The following KYAT3 variants were observed in gnomAD, a reference collection of about 807,000 sequenced individuals.
KYAT3 encodes kynurenine--oxoglutarate transaminase 3.
Under a neutral mutation model 59.0 loss-of-function variants are expected in KYAT3, and 50 were observed. That is an observed-to-expected ratio of 0.85 (90% confidence interval 0.68 to 1.07). KYAT3 has a LOEUF of 1.07. KYAT3 is among the 50% of genes least tolerant of loss of function. The probability of loss-of-function intolerance (pLI) is 0.00; values close to 1 mark genes in which losing one functional copy is unlikely to be tolerated. For missense variants in KYAT3, 497 were observed against 533.3 expected (o/e 0.93, Z 0.67); for synonymous variants, 148 against 177.0 (o/e 0.84, Z 1.30).
Position 88,969,476 on chromosome 1 carries a change from T to C in KYAT3, c.100-9A>G, listed in dbSNP as rs1490803360. The C allele has an allele frequency of 1.3e-6, 2 of 1,527,264 alleles. No individual in the cohort carries two copies. Among genetic ancestry groups the C allele is most frequent in the East Asian group, 2.3e-5 (1 of 44,408 alleles). 94.6% of individuals were successfully genotyped at this position (1,527,264 alleles called of 1,614,324 possible). A position where few individuals can be genotyped will look rare whatever the true frequency, so the allele number is the denominator to read the frequency against. On this transcript the variant is annotated splice_polypyrimidine_tract_variant and intron_variant, in intron 2 of 13. Transcript: ENST00000260508. ...AATTTCAGTGACATTTTCTGAAATA[T>C]ATAAATATTGAAAAGGAATTGCCTT...
Position 88,943,010 on chromosome 1 carries a change from T to G in KYAT3, c.1297A>C (p.Ile433Leu), listed in dbSNP as rs749545379. 6.2e-6 allele frequency: 10 copies of G among 1,610,040 alleles called. No homozygotes were observed. The Admixed American group carries it at 1.3e-4, about 21-fold the overall frequency. Residue 433 changes from isoleucine (I) to leucine (L), a missense_variant, in exon 13 of 14, where the codon ATT (isoleucine) becomes CTT (leucine). Coordinates refer to ENST00000260508, the MANE Select transcript of KYAT3 (RefSeq NM_001008661.3). ...QFEKFVRFCFIKKDSTLDAAE... is the reference protein window; with the variant it reads ...QFEKFVRFCFLKKDSTLDAAE... ...CAATAGAGCAGGGAACTTACTTTAA[T>G]GAAGCAAAAACGCACAAACTTCTCA...
At chr1:88,949,517 T>C (rs535509085) in intron 10 of KYAT3, among the ~76,000 whole-genome samples, 15 of 152,176 alleles carry the variant, frequency 9.9e-5, no homozygotes, top group Admixed American at 5.2e-4. Flanking sequence ...AAAATTCAAA[T>C]TGAAAAAGAG....
In KYAT3 at chr1:88,988,323, A is replaced by G. The variant is rs1344829287; in HGVS notation, c.28T>C (p.Ser10Pro). 1.2e-6 allele frequency: 2 copies of G among 1,613,088 alleles called. No homozygotes were observed. Among genetic ancestry groups the G allele is most frequent in the African/African-American group, 2.7e-5 (2 of 74,906 alleles). Residue 10 changes from serine (S) to proline (P), a missense_variant, in exon 2 of 14, where the codon TCT becomes CCT. Physicochemically the swap from Ser to Pro is moderately conservative, Grantham distance 74. This residue lies in a region of KYAT3 where 469 missense variants were observed against 479.1 expected (regional missense o/e 0.98). Coordinates refer to ENST00000260508, the MANE Select transcript of KYAT3 (RefSeq NM_001008661.3). ...AGGAATTTTGCTCTACCGCTAAGAG[A>G]GCAGAGGCTCCTCTGGGCCAAAAAC... MFLAQRSLC[S>P]LSGRAKFLKT...
chr1:88,953,164 A>G lies in KYAT3; in HGVS notation c.865-12T>C. 6.4e-7 allele frequency: 1 copy of G among 1,562,174 alleles called. No homozygotes were observed. Among genetic ancestry groups the G allele is most frequent in the Non-Finnish European group, 8.8e-7 (1 of 1,134,302 alleles). On this transcript the variant is annotated splice_polypyrimidine_tract_variant and intron_variant, in intron 9 of 13. Coordinates refer to ENST00000260508, the MANE Select transcript of KYAT3 (RefSeq NM_001008661.3). ...ATGGACCAGCCAAGCTGGGAAAGGA[A>G]AAGATAAAAGATTTCAGAAAATCTA...
At chr1:88,939,603 C>T (rs1485552926) in intron 13 of KYAT3, among the ~76,000 whole-genome samples, 2 of 152,122 alleles carry the variant, frequency 1.3e-5, no homozygotes, top group South Asian at 2.1e-4. Context: ...ATTTGTTCTG[C>T]TCTTATTTTT....
chr1:88,975,120 C>T (rs1332723554), intron 2 of KYAT3, among the ~76,000 whole-genome samples: 2 of 150,668 alleles, frequency 1.3e-5, no homozygotes, highest in South Asian at 4.2e-4. Flanking sequence ...TTGAAGTCAG[C>T]GAGACCACGA....
chr1:88,951,087 A>C (rs886897561), intron 10 of KYAT3, among the ~76,000 whole-genome samples: 2 of 152,134 alleles, frequency 1.3e-5, no homozygotes, highest in Admixed American at 1.3e-4. Flanking sequence ...AATCCCCTTC[A>C]GTTAGTTGTT....
At chr1:88,964,294 C>G (rs1676257186) in intron 5 of KYAT3, among the ~76,000 whole-genome samples, 1 of 152,104 alleles carries the variant, frequency 6.6e-6, no homozygotes, top group South Asian at 2.1e-4. Flanking sequence ...ACTTGTAGAC[C>G]AAGTTAAGAG....
At chr1:88,991,423 G>A (rs1400799546) in intron 1 of KYAT3, among the ~76,000 whole-genome samples, 1 of 152,198 alleles carries the variant, frequency 6.6e-6, no homozygotes, top group Non-Finnish European at 1.5e-5. Flanking sequence ...CTAATAATGC[G>A]CCGCCCACAC....
intron 2 of KYAT3, chr1:88,979,344 G>T (rs115084482): frequency 6.6e-6 from 1 of 152,098 alleles, no homozygotes; most frequent in Non-Finnish European, 1.5e-5. Flanking sequence ...TATTATTAAG[G>T]CTTGACTTAA....
intron 2 of KYAT3, among the ~76,000 whole-genome samples, chr1:88,986,477 A>G (rs1027645291): frequency 7.3e-5 from 11 of 151,412 alleles, no homozygotes; most frequent in African/African-American, 2.4e-4. Context: ...TGTTTAATAG[A>G]GATGAGGTTT....
At chr1:88,927,003 C>A in the KYAT3 span, among the ~76,000 whole-genome samples, 2 of 152,138 alleles carry the variant, frequency 1.3e-5, no homozygotes, top group African/African-American at 4.8e-5. Context: ...GCAGCCCGGA[C>A]CCATTTCTTT....
downstream of KYAT3, among the ~76,000 whole-genome samples, chr1:88,934,491 C>A (rs1170811762): frequency 1.3e-5 from 2 of 152,034 alleles, no homozygotes; most frequent in Admixed American, 1.3e-4. Context: ...GTAGGAATTG[C>A]TGCTGTGGTA....
In KYAT3 at chr1:88,964,857, A is replaced by C. The variant is rs113065937; in HGVS notation, c.425T>G (p.Ile142Ser). 1.4e-5 allele frequency: 22 copies of C among 1,599,616 alleles called. No individual in the cohort carries two copies. Among genetic ancestry groups the C allele is most frequent in the Non-Finnish European group, 1.7e-5 (20 of 1,175,600 alleles). ...VGAYGSLFNT[I>S]QALIDEGDEV... Reference sequence around the variant, plus strand: ...ATCTCCCTCATCAATTAATGCTTGAATGGTGTTAAAAAGAGATCCATATGC... The same window carrying C: ...ATCTCCCTCATCAATTAATGCTTGACTGGTGTTAAAAAGAGATCCATATGC... Residue 142 changes from isoleucine (I) to serine (S), a missense_variant, in exon 5 of 14, where the codon ATT becomes AGT. Around this residue, in one of 2 missense-constraint regions of KYAT3, gnomAD observed 469 missense variants for 479.1 expected, o/e 0.98. Transcript: ENST00000260508.
the KYAT3 span, among the ~76,000 whole-genome samples, chr1:88,924,891 A>C: frequency 0.036 from 5,427 of 152,168 alleles, 268 homozygotes; most frequent in African/African-American, 0.11. Flanking sequence ...AGCTATAACA[A>C]TCACCGCATG....
the KYAT3 span, among the ~76,000 whole-genome samples, chr1:88,930,571 T>C: frequency 6.6e-6 from 1 of 152,164 alleles, no homozygotes; most frequent in Non-Finnish European, 1.5e-5. Flanking sequence ...TCAGTGGTAA[T>C]GGAATACTTG....
At chr1:88,982,964 T>C in intron 2 of KYAT3, 2 of 1,613,816 alleles carry the variant, frequency 1.2e-6, no homozygotes, top group Non-Finnish European at 1.7e-6. Context: ...TGAGTTACCA[T>C]AACTCTCATA....
At chr1:88,935,224 A>C (rs1674991832), downstream of KYAT3, among the ~76,000 whole-genome samples, 1 of 151,476 alleles carries the variant, frequency 6.6e-6, no homozygotes, top group Non-Finnish European at 1.5e-5. Context: ...CCTGGTCTCA[A>C]ACTCCTGAAT....
Position 88,961,161 on chromosome 1 carries a change from T to G in KYAT3, c.787+6A>C. The G allele has an allele frequency of 6.2e-7, 1 of 1,613,182 alleles. No individual in the cohort carries two copies. The highest frequency in any genetic ancestry group is 1.1e-5 in the South Asian group (1 of 90,916). On this transcript the variant is annotated splice_donor_region_variant and intron_variant, in intron 8 of 13. Transcript: ENST00000260508. ...TAGATATGTGACTCTGTGTTATAGT[T>G]GGTACCTATTTTTAAGTGCTTATTT...
Sources: gnomAD v4.1 joint callset for allele counts (sites outside exome capture counted in the v4.1 genomes callset) on GRCh38, gnomAD v4.1.1 for gene constraint, gnomAD v4.1.1 regional missense constraint, MANE v1.5 for transcripts, NCBI Gene and HGNC (gene_info 2026-07-23, HGNC 2026-07-21) for gene names.